The following RAB19 variants were observed in gnomAD, a reference collection of about 807,000 sequenced individuals.
RAB19 encodes ras-related protein Rab-19.
In RAB19, 21 loss-of-function variants were observed where a neutral mutation model predicts 17.3. That is an observed-to-expected ratio of 1.21 (90% CI 0.86 to 1.74). The LOEUF is 1.74. Ranked by LOEUF, RAB19 falls within the 40% of genes most tolerant of loss-of-function variation. RAB19 has a pLI of 0.00. For missense variants in RAB19, 277 were observed against 286.8 expected (o/e 0.97, Z 0.25); for synonymous variants, 126 against 110.4 (o/e 1.14, Z -0.88).
chr7:140,417,567 G>A (rs1022844630), intron 3 of RAB19, among the ~76,000 whole-genome samples: 11 of 152,158 alleles, frequency 7.2e-5, no homozygotes, highest in Non-Finnish European at 1.6e-4. Flanking sequence ...AGGCTCACCA[G>A]CTAAAAACAC....
intron 2 of RAB19, chr7:140,411,188 A>G (rs1799353956): frequency 1.7e-6 from 2 of 1,180,224 alleles, no homozygotes; most frequent in Non-Finnish European, 2.3e-6. Context: ...TCACAAGGTC[A>G]GGAGATCGAG....
At position 140,418,975 on chromosome 7, in the gene RAB19, C is replaced by T. The variant is rs574574230; in HGVS notation, c.386-6907C>T. Among the ~76,000 whole-genome samples the T allele has an allele frequency of 6.6e-5, 10 of 151,806 alleles. No individual in the cohort carries two copies. The East Asian group carries it at 9.7e-4, about 15-fold the overall frequency. On this transcript the variant is annotated intron_variant, in intron 3 of 3. Coordinates refer to ENST00000537763, the MANE Select transcript of RAB19 (RefSeq NM_001008749.3). ...TGCTTTTATGATAAACACTTCTTTG[C>T]TTTTTTCTTTTTTAATCATTTTACT... is the stretch of plus-strand genomic sequence containing the variant.
chr7:140,407,803 GACTTT>G lies in RAB19; in HGVS notation c.160_164del (p.Phe54ArgfsTer5). ...GACACAGCAGAACACGATTGGAGTG[GACTTT>G]ACCGTGCGTTCCCTTGATATTGACG... On this transcript the variant is annotated frameshift_variant, in exon 2 of 4. Transcript: ENST00000537763. LOFTEE classifies it high-confidence loss of function. The G allele has an allele frequency of 6.2e-7, 1 of 1,613,512 alleles. No individual in the cohort carries two copies. Among genetic ancestry groups the G allele is most frequent in the Non-Finnish European group, 8.5e-7 (1 of 1,179,944 alleles).
chr7:140,410,323 T>TTTC (rs1464205565), intron 2 of RAB19, among the ~76,000 whole-genome samples: 11 of 123,914 alleles, frequency 8.9e-5, no homozygotes, highest in South Asian at 3.1e-4. Context: ...CTTTTTTTTT[T>TTTC]TTTTTTTTTT....
chr7:140,425,445 GC>G (rs1799646920), intron 3 of RAB19, among the ~76,000 whole-genome samples: 1 of 152,112 alleles, frequency 6.6e-6, no homozygotes, highest in Non-Finnish European at 1.5e-5. Context: ...AGGAGCAAGG[GC>G]CGGGTGCAGT....
intron 3 of RAB19, among the ~76,000 whole-genome samples, chr7:140,424,044 G>A (rs1799608106): frequency 6.6e-6 from 1 of 151,962 alleles, no homozygotes; most frequent in African/African-American, 2.4e-5. Context: ...TAGTAGAGAC[G>A]GGGTTTCACC....
At chr7:140,411,474 A>G (rs189662825) in intron 2 of RAB19, among the ~76,000 whole-genome samples, 87 of 151,954 alleles carry the variant, frequency 5.7e-4, no homozygotes, top group African/African-American at 2.0e-3. Context: ...TCCCTGGGCC[A>G]TGTTGGAAGA....
At chr7:140,408,613 T>A (rs1197466082) in intron 2 of RAB19, among the ~76,000 whole-genome samples, 1 of 151,930 alleles carries the variant, frequency 6.6e-6, no homozygotes, top group Non-Finnish European at 1.5e-5. Context: ...GTAGCTGGAT[T>A]TACAGGTGCA....
chr7:140,414,948 A>G (rs1047549987), intron 3 of RAB19, among the ~76,000 whole-genome samples: 1 of 152,034 alleles, frequency 6.6e-6, no homozygotes, highest in Admixed American at 6.6e-5. Context: ...AATGATGTAC[A>G]TATTCCTGAA....
rs529222981 is a variant in RAB19 at position 140,427,177 on chromosome 7, C to T, written c.*1027C>T. 8.0e-6 allele frequency among the ~76,000 whole-genome samples: 1 copy of T among 125,226 alleles called. No individual in the cohort carries two copies. Among genetic ancestry groups the T allele is most frequent in the South Asian group, 2.8e-4 (1 of 3,536 alleles). 82.2% of individuals were successfully genotyped at this position (125,226 alleles called of 152,430 possible). A position where few individuals can be genotyped will look rare whatever the true frequency, so the allele number is the denominator to read the frequency against. ...TTTTTTTTTTTGAGACTGAGTCTCA[C>T]TCTGTCACTCAGGCTGGAATGCAGT... On this transcript the variant is annotated 3_prime_UTR_variant, in exon 4 of 4. Transcript: ENST00000537763.
rs34940659 is a variant in RAB19 at position 140,427,141 on chromosome 7, CTTTTTTT to C, written c.*1006_*1012del. Among the ~76,000 whole-genome samples the C allele has an allele frequency of 2.1e-5, 2 of 94,438 alleles. No individual in the cohort carries two copies. The highest frequency in any genetic ancestry group is 4.0e-5 in the Non-Finnish European group (2 of 49,944). The allele number at this position is 94,438 out of a possible 152,430, so 62.0% of individuals were successfully genotyped here. ...ACAGGCATGAGCCACCATGCCTGTT[CTTTTTTT>C]TTTTTTTTTTTTTTGAGACTGAGTC... On this transcript the variant is annotated 3_prime_UTR_variant, in exon 4 of 4. Transcript: ENST00000537763.
intron 3 of RAB19, among the ~76,000 whole-genome samples, chr7:140,420,841 CTCTT>C (rs901693500): frequency 3.0e-4 from 45 of 152,246 alleles, no homozygotes; most frequent in African/African-American, 1.1e-3. Flanking sequence ...TTTTCCCTCT[CTCTT>C]CTTAAAAATA....
chr7:140,410,484 G>A (rs1297623711), intron 2 of RAB19, among the ~76,000 whole-genome samples: 2 of 151,826 alleles, frequency 1.3e-5, no homozygotes, highest in South Asian at 2.1e-4. Context: ...CCGCCACGGC[G>A]CCCGGCTAAT....
At chr7:140,415,013 G>T (rs2130124599) in intron 3 of RAB19, among the ~76,000 whole-genome samples, 1 of 151,866 alleles carries the variant, frequency 6.6e-6, no homozygotes, top group African/African-American at 2.4e-5. Context: ...GGGGTGTCTG[G>T]CTTCCCATCT....
intron 3 of RAB19, among the ~76,000 whole-genome samples, chr7:140,416,639 C>CA (rs796206008): frequency 1.8e-4 from 27 of 152,320 alleles, no homozygotes; most frequent in African/African-American, 5.8e-4. Context: ...GGCCGTCTGT[C>CA]ACTGTGCACT....
intron 3 of RAB19, among the ~76,000 whole-genome samples, chr7:140,420,248 C>T (rs1045397973): frequency 2.6e-5 from 4 of 152,018 alleles, no homozygotes; most frequent in Non-Finnish European, 1.5e-5. Context: ...TGGCGAAACC[C>T]CGTCTCTACT....
At chr7:140,422,805 C>CA (rs1278917048) in intron 3 of RAB19, among the ~76,000 whole-genome samples, 9 of 151,504 alleles carry the variant, frequency 5.9e-5, no homozygotes, top group South Asian at 2.1e-4. Context: ...GACCCTGTCT[C>CA]AAAAAAAATG....
At chr7:140,411,671 G>A in intron 2 of RAB19, 1 of 1,270,734 alleles carries the variant, frequency 7.9e-7, no homozygotes, top group Non-Finnish European at 1.1e-6. Context: ...GTCTTAGATG[G>A]TCGTTCCCCA....
chr7:140,424,187 C>T (rs1404920144), intron 3 of RAB19, among the ~76,000 whole-genome samples: 25 of 120,524 alleles, frequency 2.1e-4, no homozygotes, highest in African/African-American at 3.2e-4. Context: ...CATGCCGTTT[C>T]GCTGTTGTCA....
Sources: gnomAD v4.1 joint callset for allele counts (sites outside exome capture counted in the v4.1 genomes callset) on GRCh38, gnomAD v4.1.1 for gene constraint, MANE v1.5 for transcripts, NCBI Gene and HGNC (gene_info 2026-07-23, HGNC 2026-07-21) for gene names.